Variants in USP34 observed in about 807,000 individuals in gnomAD.
USP34 encodes the protein ubiquitin specific peptidase 34, also known as ubiquitin carboxyl-terminal hydrolase 34.
In USP34, 70 loss-of-function variants were observed where a neutral mutation model predicts 460.3. The ratio of observed to expected loss-of-function variants is 0.15; its 90% CI spans 0.13 to 0.19. The LOEUF (loss-of-function observed/expected upper bound fraction) is 0.19. Ranked by LOEUF, USP34 falls within the 10% of genes least tolerant of loss-of-function variation. The pLI is 1.00. For missense variants in USP34, 3,985 were observed against 4,236.2 expected (o/e 0.94, Z 1.65); for synonymous variants, 1,647 against 1,405.3 (o/e 1.17, Z -3.85).
At chr2:61,463,788 C>G (rs1242912945) in intron 1 of USP34, among the ~76,000 whole-genome samples, 1 of 150,834 alleles carries the variant, frequency 6.6e-6, no homozygotes, top group African/African-American at 2.4e-5. Flanking sequence ...GAGCCGAGAT[C>G]ATGCCATTGC....
chr2:61,340,822 A>G (rs909777626), intron 16 of USP34, among the ~76,000 whole-genome samples: 2 of 149,806 alleles, frequency 1.3e-5, no homozygotes, highest in South Asian at 2.1e-4. Flanking sequence ...TCATAGATAT[A>G]TAATTTTCAA....
rs1686608751 is a variant in USP34, at chr2:61,190,616, G to C, written c.9631C>G (p.Pro3211Ala). 1 of 1,613,916 alleles carries C rather than the reference G, an allele frequency of 6.2e-7. No homozygotes were observed. Among genetic ancestry groups the C allele is most frequent in the East Asian group, 2.2e-5 (1 of 44,868 alleles). Reference protein sequence around the residue: ...KNCIKLLCEDPVFAEYIKCIL... With the variant: ...KNCIKLLCEDAVFAEYIKCIL... ...CATTTAATATATTCTGCGAAAACAG[G>C]ATCTTCACACAAAAGCTTGATGCAG... is the stretch of plus-strand genomic sequence containing the variant. The change falls in exon 77 of 80, where the codon CCT becomes GCT. Residue 3211 changes from proline to alanine, a missense_variant. By Grantham distance (27) the Pro-to-Ala change is conservative (BLOSUM62 -1). This residue lies in a region of USP34 where 506 missense variants were observed against 439.0 expected (regional missense o/e 1.15). Transcript: ENST00000398571.
chr2:61,431,572 C>A (rs747246382), intron 1 of USP34, among the ~76,000 whole-genome samples: 1 of 152,264 alleles, frequency 6.6e-6, no homozygotes, highest in Non-Finnish European at 1.5e-5. Flanking sequence ...CTAGCAGAGG[C>A]TGGCCGGGCG....
intron 43 of USP34, among the ~76,000 whole-genome samples, chr2:61,264,711 C>T (rs967148109): frequency 3.9e-5 from 6 of 151,974 alleles, no homozygotes; most frequent in Non-Finnish European, 7.4e-5. Flanking sequence ...AAAAGCAGTA[C>T]AAAAGGCAAA....
At chr2:61,208,839 GTC>G (rs1687191572) in intron 70 of USP34, 58 bp downstream of exon 70, 13 of 1,291,234 alleles carry the variant, frequency 1.0e-5, no homozygotes, top group Non-Finnish European at 1.4e-5. Flanking sequence ...TATAAAGTAA[GTC>G]TTGGTGAGAA....
At chr2:61,385,939 G>A (rs551981222) in intron 5 of USP34, among the ~76,000 whole-genome samples, 1 of 147,952 alleles carries the variant, frequency 6.8e-6, no homozygotes, top group South Asian at 2.2e-4. Flanking sequence ...GGAGGTTGCA[G>A]TAAGCTGAGA....
At chr2:61,231,731 A>G (rs1429340395) in intron 58 of USP34, among the ~76,000 whole-genome samples, 1 of 151,902 alleles carries the variant, frequency 6.6e-6, no homozygotes, top group African/African-American at 2.4e-5. Flanking sequence ...AACAAAACAA[A>G]ATTACCAGGT....
chr2:61,366,137 G>C (rs1014609910), intron 10 of USP34, among the ~76,000 whole-genome samples: 2 of 152,180 alleles, frequency 1.3e-5, no homozygotes, highest in Admixed American at 1.3e-4. Context: ...TGTTGGTCAG[G>C]CTGGTCTTGA....
At chr2:61,344,800 C>T (rs528635717) in intron 15 of USP34, among the ~76,000 whole-genome samples, 2 of 152,136 alleles carry the variant, frequency 1.3e-5, no homozygotes, top group East Asian at 3.9e-4. Context: ...GCCAGTGGTT[C>T]CCAATCAGGG....
At position 61,208,554 on chromosome 2, in the gene USP34, T is replaced by C. The variant is rs148764043; in HGVS notation, c.8919+345A>G. ...TTCACAATGGTAACCTCAGTTTCTA[T>C]ACTGTCAAATAAGTAGGCTTTTGGG... is the stretch of plus-strand genomic sequence containing the variant. On this transcript the variant is annotated intron_variant, in intron 70 of 79. Coordinates refer to ENST00000398571, the MANE Select transcript of USP34 (RefSeq NM_014709.4). 382 of 155,940 alleles carry C rather than the reference T, an allele frequency of 2.4e-3. 3 individuals carry two copies. The highest frequency in any genetic ancestry group is 6.5e-3 in the Middle Eastern group (2 of 306). 9.7% of individuals were successfully genotyped at this position (155,940 alleles called of 1,614,324 possible). A position where few individuals can be genotyped will look rare whatever the true frequency, so the allele number is the denominator to read the frequency against.
chr2:61,397,509 G>C (rs1019011015), intron 3 of USP34, among the ~76,000 whole-genome samples: 4 of 145,118 alleles, frequency 2.8e-5, no homozygotes, highest in Non-Finnish European at 6.1e-5. Flanking sequence ...CTCACACTTA[G>C]AATCCCAGCA....
At chr2:61,419,776 A>G (rs777246935) in intron 2 of USP34, among the ~76,000 whole-genome samples, 7 of 152,208 alleles carry the variant, frequency 4.6e-5, no homozygotes, top group Admixed American at 3.9e-4. Flanking sequence ...GTGGACTATT[A>G]AAGTTCATCT....
intron 2 of USP34, among the ~76,000 whole-genome samples, chr2:61,418,868 G>T (rs1694276377): frequency 6.6e-6 from 1 of 152,168 alleles, no homozygotes; most frequent in Non-Finnish European, 1.5e-5. Context: ...TTACTGACAG[G>T]TGAACAAAAT....
intron 3 of USP34, among the ~76,000 whole-genome samples, chr2:61,399,096 T>C (rs1693631811): frequency 2.0e-5 from 3 of 152,142 alleles, no homozygotes; most frequent in Admixed American, 6.6e-5. Flanking sequence ...GGCTCATGCC[T>C]GTAATCCCAA....
intron 1 of USP34, among the ~76,000 whole-genome samples, chr2:61,430,153 T>C (rs1694625949): frequency 6.6e-6 from 1 of 151,254 alleles, no homozygotes; most frequent in South Asian, 2.1e-4. Flanking sequence ...AGGCGGAACT[T>C]TCAGTGAGCC....
At chr2:61,458,371 G>T (rs1217842615) in intron 1 of USP34, among the ~76,000 whole-genome samples, 1 of 151,770 alleles carries the variant, frequency 6.6e-6, no homozygotes, top group Admixed American at 6.6e-5. Context: ...GAGAAGCCTG[G>T]CCAACATGGT....
In USP34 at chr2:61,214,108, G is replaced by C. The variant is rs556648670; in HGVS notation, c.8634C>G (p.Ile2878Met). 3 of 1,614,240 alleles carry C rather than the reference G, an allele frequency of 1.9e-6. No homozygotes were observed. The highest frequency in any genetic ancestry group is 3.3e-5 in the Admixed American group (2 of 60,030). ...FTRQLASHQN[I>M]QWAFKNLTPH... ...GTGTAAGATTCTTAAAGGCCCACTGGATGTTCTGGTGAGAAGCCAGTTGTC... is the reference window on the plus strand; with the variant it reads ...GTGTAAGATTCTTAAAGGCCCACTGCATGTTCTGGTGAGAAGCCAGTTGTC... Residue 2878 changes from isoleucine to methionine, a missense_variant, in exon 68 of 80, where the codon ATC becomes ATG. By Grantham distance (10) the Ile-to-Met change is conservative. This residue lies in a region of USP34 where 66 missense variants were observed against 121.2 expected (regional missense o/e 0.54). Coordinates refer to ENST00000398571, the MANE Select transcript of USP34 (RefSeq NM_014709.4).
At chr2:61,449,976 G>C (rs951266449) in intron 1 of USP34, among the ~76,000 whole-genome samples, 1 of 152,120 alleles carries the variant, frequency 6.6e-6, no homozygotes, top group Non-Finnish European at 1.5e-5. Context: ...TGAGGCTGGA[G>C]AATCACTTGA....
In USP34 at chr2:61,470,632, G is replaced by T; in HGVS notation, c.43+18C>A. 6.3e-7 allele frequency: 1 copy of T among 1,580,462 alleles called. No homozygotes were observed. Among genetic ancestry groups the T allele is most frequent in the Non-Finnish European group, 8.6e-7 (1 of 1,158,222 alleles). On this transcript the variant is annotated intron_variant, in intron 1 of 79. Transcript: ENST00000398571. ...CCCAAACCGTGCACCCCGACAGGCC[G>T]CTACCGCGGCTACTTACTTTCATTT...
Sources: allele counts gnomAD v4.1 joint callset (sites outside exome capture counted in the v4.1 genomes callset), GRCh38; gene constraint gnomAD v4.1.1; regional missense constraint gnomAD v4.1.1; transcripts MANE v1.5; gene names NCBI Gene and HGNC (gene_info 2026-07-23, HGNC 2026-07-21).